CACNG2: variants seen among roughly 807,000 people sequenced by gnomAD.
The protein encoded by CACNG2 is calcium voltage-gated channel auxiliary subunit gamma 2, also known as voltage-dependent calcium channel gamma-2 subunit.
Under a neutral mutation model 25.9 loss-of-function variants are expected in CACNG2, and 3 were observed. The observed-to-expected ratio is 0.12, with a 90% CI of 0.05 to 0.30. CACNG2 has a LOEUF of 0.30. CACNG2 is among the 10% of genes least tolerant of loss of function. CACNG2 has a pLI of 1.00. For synonymous variants in CACNG2, 167 were observed against 173.3 expected (o/e 0.96, Z 0.29); for missense variants, 341 against 432.5 (o/e 0.79, Z 1.88).
chr22:36,633,128 A>G (rs971942941), intron 1 of CACNG2, among the ~76,000 whole-genome samples: 1 of 152,228 alleles, frequency 6.6e-6, no homozygotes, highest in South Asian at 2.1e-4. Flanking sequence ...GTAACCTTAC[A>G]ACTTCCTATC....
chr22:36,625,530 G>A (rs1383089913), intron 1 of CACNG2, among the ~76,000 whole-genome samples: 1 of 152,130 alleles, frequency 6.6e-6, no homozygotes, highest in East Asian at 1.9e-4. Context: ...ATTGTCCAGC[G>A]AATGAACGAT....
intron 1 of CACNG2, among the ~76,000 whole-genome samples, chr22:36,676,934 G>GTA (rs1014859776): frequency 6.1e-5 from 8 of 130,650 alleles, no homozygotes; most frequent in African/African-American, 2.9e-4. Context: ...TTCTAATATT[G>GTA]TGTGTGTGTG....
chr22:36,660,516 T>C (rs992307406), intron 1 of CACNG2, among the ~76,000 whole-genome samples: 7 of 152,278 alleles, frequency 4.6e-5, no homozygotes, highest in Non-Finnish European at 1.0e-4. Flanking sequence ...GCTCCTGGAA[T>C]TCTTGCCAAT....
chr22:36,619,904 T>C (rs12106657), intron 1 of CACNG2, among the ~76,000 whole-genome samples: 12,620 of 152,282 alleles, frequency 0.083, 1,766 homozygotes, highest in African/African-American at 0.29. Context: ...TGTTTATCAA[T>C]CTGTTAAGAG....
At position 36,564,954 on chromosome 22, in the gene CACNG2, A is replaced by T; in HGVS notation, c.437-68T>A. The T allele has an allele frequency of 2.1e-6, 3 of 1,458,040 alleles. No homozygotes were observed. Among genetic ancestry groups the T allele is most frequent in the Non-Finnish European group, 2.9e-6 (3 of 1,052,614 alleles). The allele number at this position is 1,458,040 out of a possible 1,614,324, so 90.3% of individuals were successfully genotyped here. On this transcript the variant is annotated intron_variant, in intron 3 of 3. Coordinates refer to ENST00000300105, the MANE Select transcript of CACNG2 (RefSeq NM_006078.5). The surrounding 1 kb of genome is among the most constrained non-coding windows in gnomAD (Gnocchi z 6.7). ...ACGTTAGTTTCTCAGGAAGTCGGCC[A>T]CAGGGCAGCCGTAAAGGACGGGGAC...
intron 1 of CACNG2, among the ~76,000 whole-genome samples, chr22:36,630,599 G>C (rs981989429): frequency 5.9e-5 from 9 of 152,138 alleles, no homozygotes; most frequent in Non-Finnish European, 1.2e-4. Flanking sequence ...GGCCCTGAGA[G>C]AGCTGAACCC....
rs1013441110 is a variant in CACNG2 at position 36,695,714 on chromosome 22, G to A, written c.211+6652C>T. On this transcript the variant is annotated intron_variant, in intron 1 of 3. Coordinates refer to ENST00000300105, the MANE Select transcript of CACNG2 (RefSeq NM_006078.5). Reference sequence around the variant, plus strand: ...TAGAATCCCAGTATTATGAGCTCACGTCTCATGCATCTCCTGTGAATAGCA... The same window carrying A: ...TAGAATCCCAGTATTATGAGCTCACATCTCATGCATCTCCTGTGAATAGCA... 7.9e-5 allele frequency among the ~76,000 whole-genome samples: 12 copies of A among 152,156 alleles called. No individual in the cohort carries two copies. In the East Asian group the frequency reaches 1.4e-3, roughly 17 times the overall value.
chr22:36,629,964 GA>G (rs1936243311), intron 1 of CACNG2, among the ~76,000 whole-genome samples: 1 of 152,214 alleles, frequency 6.6e-6, no homozygotes, highest in African/African-American at 2.4e-5. Flanking sequence ...CCATCTCAGA[GA>G]AATCACCTTC....
chr22:36,637,663 C>A (rs1055013711), intron 1 of CACNG2, among the ~76,000 whole-genome samples: 1 of 152,128 alleles, frequency 6.6e-6, no homozygotes, highest in African/African-American at 2.4e-5. Flanking sequence ...ACCAAGGCTT[C>A]AAGAGGTCGG....
intron 1 of CACNG2, among the ~76,000 whole-genome samples, chr22:36,656,513 C>T (rs748947059): frequency 1.1e-4 from 16 of 152,214 alleles, no homozygotes; most frequent in Admixed American, 2.0e-4. Flanking sequence ...ACCTGGATGG[C>T]TGTAATGGGC....
At chr22:36,591,025 A>G (rs6000338) in intron 1 of CACNG2, among the ~76,000 whole-genome samples, 96,101 of 151,256 alleles carry the variant, frequency 0.64, 31,034 homozygotes, top group African/African-American at 0.75. Context: ...TGGCTGCTCT[A>G]TGTTGGGGGG....
chr22:36,598,330 A>G (rs1207440404), intron 1 of CACNG2, among the ~76,000 whole-genome samples: 1 of 152,122 alleles, frequency 6.6e-6, no homozygotes, highest in African/African-American at 2.4e-5. Context: ...CTACTTGACT[A>G]TACCTGGCCA....
At chr22:36,576,828 T>A (rs1935325152) in intron 2 of CACNG2, among the ~76,000 whole-genome samples, 1 of 152,060 alleles carries the variant, frequency 6.6e-6, no homozygotes, top group Non-Finnish European at 1.5e-5. Flanking sequence ...CATAGGGTGG[T>A]TGTGAAGATG....
chr22:36,564,570 G>T lies in CACNG2; in HGVS notation c.753C>A (p.Asp251Glu). The change falls in exon 4 of 4, where the codon GAC becomes GAA. Residue 251 changes from aspartate (D) to glutamate (E), a missense_variant. Physicochemically the swap from Asp to Glu is conservative, Grantham distance 45. Transcript: ENST00000300105. This position sits in a 1 kb window ranked among gnomAD's most constrained non-coding sequence, Gnocchi z 6.7. ...AGCCCTTGATGCCCACGGGGGAGGCGTCCCTGGAGTGTGAGGGCTCCGTGG... is the reference window on the plus strand; with the variant it reads ...AGCCCTTGATGCCCACGGGGGAGGCTTCCCTGGAGTGTGAGGGCTCCGTGG... ...SRSTEPSHSR[D>E]ASPVGIKGFN... The T allele has an allele frequency of 2.5e-6, 4 of 1,614,070 alleles. No individual in the cohort carries two copies. In the South Asian group the frequency reaches 4.4e-5, roughly 18 times the overall value.
intron 1 of CACNG2, among the ~76,000 whole-genome samples, chr22:36,612,595 T>C (rs12484081): frequency 6.6e-6 from 1 of 152,202 alleles, no homozygotes; most frequent in Non-Finnish European, 1.5e-5. Context: ...CACCTCCTGG[T>C]TATGCCTCTT....
At chr22:36,588,196 C>A (rs1241185409) in intron 1 of CACNG2, among the ~76,000 whole-genome samples, 1 of 152,148 alleles carries the variant, frequency 6.6e-6, no homozygotes, top group Non-Finnish European at 1.5e-5. Context: ...TATTATCATC[C>A]TCATTGTATA....
At chr22:36,571,558 G>A (rs1935225045) in intron 2 of CACNG2, among the ~76,000 whole-genome samples, 1 of 151,892 alleles carries the variant, frequency 6.6e-6, no homozygotes, top group Non-Finnish European at 1.5e-5. Flanking sequence ...GCATGCATAT[G>A]AAAGTTTGAG....
At chr22:36,699,056 T>C (rs1937376937) in intron 1 of CACNG2, among the ~76,000 whole-genome samples, 1 of 152,216 alleles carries the variant, frequency 6.6e-6, no homozygotes. Context: ...GTAGATTTCA[T>C]TGAACTCTTC....
At chr22:36,685,342 C>T (rs181509958) in intron 1 of CACNG2, among the ~76,000 whole-genome samples, 32 of 152,262 alleles carry the variant, frequency 2.1e-4, no homozygotes, top group African/African-American at 6.5e-4. Context: ...GGCCTCTGCC[C>T]GCCTTCTCAC....
Sources: allele counts gnomAD v4.1 joint callset (sites outside exome capture counted in the v4.1 genomes callset), GRCh38; gene constraint gnomAD v4.1.1; non-coding constraint Gnocchi (gnomAD v3.1); transcripts MANE v1.5; gene names NCBI Gene and HGNC (gene_info 2026-07-23, HGNC 2026-07-21).